The following TBC1D32 variants were observed in gnomAD, a reference collection of about 807,000 sequenced individuals.
TBC1D32 encodes the protein protein broad-minded.
In TBC1D32, 151 loss-of-function variants were observed where a neutral mutation model predicts 170.3. That is an observed-to-expected ratio of 0.89 (90% CI 0.78 to 1.01). TBC1D32 has a LOEUF of 1.01. TBC1D32 is among the 50% of genes least tolerant of loss of function. The pLI is 0.00. For synonymous variants in TBC1D32, 498 were observed against 488.0 expected, an observed-to-expected ratio of 1.02 and a Z score of -0.27; for missense variants, 1,464 against 1,457.1, an observed-to-expected ratio of 1.00 and a Z score of -0.08.
intron 25 of TBC1D32, 53 bp from the exon 26 acceptor site, chr6:121,126,514 C>A: frequency 7.7e-7 from 1 of 1,297,412 alleles, no homozygotes; most frequent in Admixed American, 1.8e-5. Context: ...TAATATGTGA[C>A]AATGCATCCT....
chr6:121,318,216 G>A (rs914526372), intron 2 of TBC1D32, among the ~76,000 whole-genome samples: 4 of 151,990 alleles, frequency 2.6e-5, no homozygotes, highest in African/African-American at 9.7e-5. Flanking sequence ...TTCAAACAGA[G>A]GCTGGGAAAT....
intron 4 of TBC1D32, among the ~76,000 whole-genome samples, chr6:121,309,225 T>C (rs1257286548): frequency 6.6e-6 from 1 of 152,208 alleles, no homozygotes; most frequent in Admixed American, 6.5e-5. Flanking sequence ...AATTTTTCCA[T>C]TTCAGGAAAT....
At chr6:121,137,366 C>T (rs1782216438) in intron 24 of TBC1D32, among the ~76,000 whole-genome samples, 2 of 150,652 alleles carry the variant, frequency 1.3e-5, no homozygotes, top group African/African-American at 2.4e-5. Context: ...GTTTGTTTTC[C>T]CAAGAAAGGT....
At chr6:121,303,557 A>T (rs1806804214) in intron 9 of TBC1D32, 60 bp downstream of exon 9, 1 of 1,274,782 alleles carries the variant, frequency 7.8e-7, no homozygotes, top group Admixed American at 2.5e-5. Context: ...AACATTAACT[A>T]TTTATTAAAA....
intron 14 of TBC1D32, 134 bp downstream of exon 14, chr6:121,281,410 A>G: frequency 1.8e-6 from 1 of 550,696 alleles, no homozygotes; most frequent in African/African-American, 2.0e-5. Context: ...ATAAAAATAT[A>G]TATCAACACA....
At chr6:121,085,296 C>T (rs1342355434) in intron 31 of TBC1D32, among the ~76,000 whole-genome samples, 3 of 140,754 alleles carry the variant, frequency 2.1e-5, no homozygotes, top group East Asian at 2.1e-4. Flanking sequence ...TACATATATA[C>T]ATACATATAT....
At chr6:121,259,690 T>C (rs1799513308) in intron 15 of TBC1D32, among the ~76,000 whole-genome samples, 1 of 152,144 alleles carries the variant, frequency 6.6e-6, no homozygotes, top group African/African-American at 2.4e-5. Flanking sequence ...TAGAGAAACC[T>C]GAATTATCAG....
intron 20 of TBC1D32, among the ~76,000 whole-genome samples, chr6:121,224,061 T>C (rs914362429): frequency 6.6e-6 from 1 of 152,176 alleles, no homozygotes; most frequent in South Asian, 2.1e-4. Flanking sequence ...ACTTCTCTAA[T>C]TGACACGATT....
At chr6:121,082,500 G>A (rs12526242) in intron 31 of TBC1D32, among the ~76,000 whole-genome samples, 41,051 of 151,712 alleles carry the variant, frequency 0.27, 8,446 homozygotes, top group African/African-American at 0.57. Context: ...GAGGGATTAT[G>A]GTAATGTCTT....
intron 22 of TBC1D32, among the ~76,000 whole-genome samples, chr6:121,173,440 C>A (rs1243179430): frequency 6.6e-6 from 1 of 151,622 alleles, no homozygotes; most frequent in Admixed American, 6.6e-5. Context: ...AGAACCCTGA[C>A]CAATATGAAA....
At chr6:121,265,498 T>C (rs556686047) in intron 15 of TBC1D32, among the ~76,000 whole-genome samples, 3 of 151,624 alleles carry the variant, frequency 2.0e-5, no homozygotes, top group South Asian at 2.1e-4. Flanking sequence ...AAGTAAATCA[T>C]AGATTCAATG....
chr6:121,092,190 A>G (rs968877142), intron 30 of TBC1D32, among the ~76,000 whole-genome samples: 1 of 152,008 alleles, frequency 6.6e-6, no homozygotes, highest in Admixed American at 6.6e-5. Flanking sequence ...AGAAACAAAC[A>G]CAACTACTTT....
intron 3 of TBC1D32, among the ~76,000 whole-genome samples, chr6:121,312,402 T>C (rs1262453262): frequency 1.3e-5 from 2 of 152,174 alleles, no homozygotes; most frequent in Admixed American, 6.5e-5. Flanking sequence ...CTATTAATTC[T>C]TTTTTTAAGA....
At chr6:121,296,919 C>T (rs1805727866) in intron 10 of TBC1D32, among the ~76,000 whole-genome samples, 1 of 152,020 alleles carries the variant, frequency 6.6e-6, no homozygotes, top group South Asian at 2.1e-4. Flanking sequence ...AAAATAATCT[C>T]TCTCAAAGAC....
chr6:121,085,269 ATATATACG>A (rs1776094948), intron 31 of TBC1D32, among the ~76,000 whole-genome samples: 1 of 142,242 alleles, frequency 7.0e-6, no homozygotes, highest in Non-Finnish European at 1.5e-5. Flanking sequence ...ACATATATAC[ATATATACG>A]TATATATATA....
intron 22 of TBC1D32, among the ~76,000 whole-genome samples, chr6:121,202,869 C>A (rs182847433): frequency 6.6e-6 from 1 of 151,280 alleles, no homozygotes; most frequent in Non-Finnish European, 1.5e-5. Context: ...ATGCTGTTCA[C>A]GCCACATTTC....
chr6:121,197,639 C>T (rs764202789), intron 22 of TBC1D32, among the ~76,000 whole-genome samples: 1 of 152,190 alleles, frequency 6.6e-6, no homozygotes, highest in Non-Finnish European at 1.5e-5. Flanking sequence ...AGGATTGAGG[C>T]GTTTCTGAGT....
chr6:121,296,049 C>T (rs1173593844), intron 10 of TBC1D32, among the ~76,000 whole-genome samples: 1 of 152,106 alleles, frequency 6.6e-6, no homozygotes, highest in Non-Finnish European at 1.5e-5. Flanking sequence ...GTGAACAGCA[C>T]CCCCACCTCA....
chr6:121,090,608 T>C (rs1479259427), intron 31 of TBC1D32, among the ~76,000 whole-genome samples: 1 of 152,192 alleles, frequency 6.6e-6, no homozygotes, highest in Non-Finnish European at 1.5e-5. Context: ...TGGCATAGCA[T>C]GTGGGTTACA....
Sources: gnomAD v4.1 joint callset for allele counts (sites outside exome capture counted in the v4.1 genomes callset) on GRCh38, gnomAD v4.1.1 for gene constraint, MANE v1.5 for transcripts, NCBI Gene and HGNC (gene_info 2026-07-23, HGNC 2026-07-21) for gene names.